The following ADAM22 variants were observed in gnomAD, a reference collection of about 807,000 sequenced individuals.
ADAM22 encodes ADAM metallopeptidase domain 22.
ADAM22 carries 65 observed loss-of-function variants against 144.6 expected under a neutral mutation model. That is an observed-to-expected ratio of 0.45 (90% confidence interval 0.37 to 0.55). The LOEUF is 0.55. Ranked by LOEUF, ADAM22 falls within the 20% of genes least tolerant of loss-of-function variation. ADAM22 has a pLI of 0.00. For missense variants in ADAM22, 974 were observed against 1,184.9 expected (o/e 0.82, Z 2.61); for synonymous variants, 391 against 412.6 (o/e 0.95, Z 0.63).
At chr7:88,156,816 GT>G (rs937002980) in intron 22 of ADAM22, among the ~76,000 whole-genome samples, 6 of 151,908 alleles carry the variant, frequency 3.9e-5, no homozygotes, top group Admixed American at 3.9e-4. Flanking sequence ...TAGGGAAGTA[GT>G]CCAACCTCAG....
chr7:88,168,330 TG>T, intron 25 of ADAM22, 103 bp downstream of exon 25: 1 of 1,183,010 alleles, frequency 8.5e-7, no homozygotes, highest in Non-Finnish European at 1.2e-6. Flanking sequence ...TGAATATACT[TG>T]CAATGAAAAT....
chr7:88,162,314 C>T lies in ADAM22; in HGVS notation c.1908-698C>T, dbSNP rs548085927. On this transcript the variant is annotated intron_variant, in intron 22 of 31. Transcript: ENST00000413139. ...CACATGGACACAAAGAAGGGAGCAA[C>T]AGACACTGGGACCTATTTGAGGGAT... 2.0e-5 allele frequency among the ~76,000 whole-genome samples: 3 copies of T among 151,988 alleles called. No individual in the cohort carries two copies. The East Asian group carries it at 5.8e-4, about 29-fold the overall frequency.
At chr7:88,151,357 T>C (rs1563334838) in intron 20 of ADAM22, 37 bp downstream of exon 20, 1 of 1,609,940 alleles carries the variant, frequency 6.2e-7, no homozygotes, top group Non-Finnish European at 8.5e-7. Context: ...TGTTAAAGCA[T>C]GATGTCAGGC....
At chr7:87,946,931 A>G (rs1206658181) in intron 2 of ADAM22, among the ~76,000 whole-genome samples, 2 of 152,208 alleles carry the variant, frequency 1.3e-5, no homozygotes, top group African/African-American at 4.8e-5. Context: ...AGGCCATTAT[A>G]TTAAGTGAAT....
intron 2 of ADAM22, among the ~76,000 whole-genome samples, chr7:87,953,401 C>A (rs1183506248): frequency 2.0e-5 from 3 of 152,064 alleles, no homozygotes; most frequent in Non-Finnish European, 4.4e-5. Context: ...CGTTATGTAT[C>A]CAGTAGTCAT....
At chr7:87,937,293 T>C (rs1001549895) in intron 2 of ADAM22, among the ~76,000 whole-genome samples, 10 of 152,198 alleles carry the variant, frequency 6.6e-5, no homozygotes, top group African/African-American at 2.2e-4. Flanking sequence ...TTTTAATGTG[T>C]GGTTCTTTCC....
intron 3 of ADAM22, among the ~76,000 whole-genome samples, chr7:88,006,656 GA>G (rs1450086793): frequency 6.8e-6 from 1 of 147,188 alleles, no homozygotes; most frequent in Non-Finnish European, 1.5e-5. Flanking sequence ...AAAACCACAT[GA>G]TTATCTCAAT....
chr7:88,049,414 G>A lies in ADAM22; in HGVS notation c.324-26212G>A, dbSNP rs190011993. ...TGTTTGTTTGTTTGTTTTTGAGATG[G>A]AGTTTCACTCTTTTACTCTTGTTGC... On this transcript the variant is annotated intron_variant, in intron 3 of 31. Transcript: ENST00000413139. 6.2e-3 allele frequency among the ~76,000 whole-genome samples: 949 copies of A among 151,884 alleles called. 2 individuals carry two copies. Among genetic ancestry groups the A allele is most frequent in the Non-Finnish European group, 0.01 (693 of 67,966 alleles).
intron 3 of ADAM22, among the ~76,000 whole-genome samples, chr7:88,017,168 A>G (rs992778043): frequency 1.3e-5 from 2 of 152,190 alleles, no homozygotes; most frequent in Non-Finnish European, 2.9e-5. Flanking sequence ...ATACAAATTT[A>G]CAGCTAGATA....
At chr7:88,030,135 A>T (rs1461513925) in intron 3 of ADAM22, among the ~76,000 whole-genome samples, 1 of 151,978 alleles carries the variant, frequency 6.6e-6, no homozygotes, top group Non-Finnish European at 1.5e-5. Context: ...TGTTTTCTAG[A>T]TCTTCTAGGT....
rs145731034 is a variant in ADAM22 at position 88,183,857 on chromosome 7, TAC to T, written c.2663+1842_2663+1843del. Among the ~76,000 whole-genome samples, 214 of 150,554 alleles carry T rather than the reference TAC, an allele frequency of 1.4e-3. 1 individual carries two copies. Among genetic ancestry groups the T allele is most frequent in the Middle Eastern group, 3.5e-3 (1 of 284 alleles). ...ACATATATATATATATATTTATACA[TAC>T]ACACACACGTATATATTTTCTTACA... On this transcript the variant is annotated intron_variant, in intron 29 of 31. Coordinates refer to ENST00000413139, the MANE Select transcript of ADAM22 (RefSeq NM_001324418.2).
At chr7:88,034,858 TTC>T (rs1563072292) in intron 3 of ADAM22, among the ~76,000 whole-genome samples, 1 of 152,130 alleles carries the variant, frequency 6.6e-6, no homozygotes, top group Non-Finnish European at 1.5e-5. Flanking sequence ...AGTGCACAGT[TTC>T]TCTCTCTGTG....
intron 3 of ADAM22, 146 bp downstream of exon 3, chr7:87,978,558 G>T (rs1852467183): frequency 1.7e-6 from 1 of 589,658 alleles, no homozygotes; most frequent in Non-Finnish European, 2.9e-6. Flanking sequence ...TTTACTGTAG[G>T]TTATAAAGTC....
intron 2 of ADAM22, among the ~76,000 whole-genome samples, chr7:87,973,321 A>G (rs1480498792): frequency 5.3e-5 from 8 of 152,258 alleles, no homozygotes; most frequent in Non-Finnish European, 1.0e-4. Flanking sequence ...TATGCAGCCA[A>G]AAAACACATG....
At chr7:87,998,850 T>G (rs28454580) in intron 3 of ADAM22, among the ~76,000 whole-genome samples, 2,143 of 152,280 alleles carry the variant, frequency 0.014, 46 homozygotes, top group African/African-American at 0.049. Flanking sequence ...CTATTTATAG[T>G]CTTTACTTAT....
Position 88,154,761 on chromosome 7 carries a change from T to C in ADAM22, c.1788-1126T>C, listed in dbSNP as rs1294844056. On this transcript the variant is annotated intron_variant, in intron 21 of 31. Transcript: ENST00000413139. ...GTTGAGAAAGCATTTTTGTTTATGATAGATACAGTAAAATGATAACATAAT... is the reference window on the plus strand; with the variant it reads ...GTTGAGAAAGCATTTTTGTTTATGACAGATACAGTAAAATGATAACATAAT... 2.0e-5 allele frequency among the ~76,000 whole-genome samples: 3 copies of C among 152,290 alleles called. No individual in the cohort carries two copies. The East Asian group carries it at 5.8e-4, about 29-fold the overall frequency.
At chr7:88,136,562 A>G (rs1424298762) in intron 14 of ADAM22, among the ~76,000 whole-genome samples, 1 of 152,058 alleles carries the variant, frequency 6.6e-6, no homozygotes, top group Non-Finnish European at 1.5e-5. Context: ...CCTCCCTTTC[A>G]CACGCTCAGT....
intron 13 of ADAM22, among the ~76,000 whole-genome samples, chr7:88,135,189 A>T (rs1321391215): frequency 6.7e-6 from 1 of 149,668 alleles, no homozygotes; most frequent in Non-Finnish European, 1.5e-5. Context: ...GAGGCAGGAG[A>T]ATCACTTGAA....
At chr7:88,008,916 A>AG (rs1419645744) in intron 3 of ADAM22, among the ~76,000 whole-genome samples, 2 of 120,758 alleles carry the variant, frequency 1.7e-5, no homozygotes, top group Non-Finnish European at 3.8e-5. Flanking sequence ...AATAATAAAA[A>AG]GAAAAAAAAG....
Sources: allele counts gnomAD v4.1 joint callset (sites outside exome capture counted in the v4.1 genomes callset), GRCh38; gene constraint gnomAD v4.1.1; transcripts MANE v1.5; gene names NCBI Gene and HGNC (gene_info 2026-07-23, HGNC 2026-07-21).